Variants in EP400 observed in about 807,000 individuals in gnomAD.
The protein encoded by EP400 is E1A binding protein p400.
EP400 carries 105 observed loss-of-function variants against 354.1 expected under a neutral mutation model. That is an observed-to-expected ratio of 0.30 (90% CI 0.25 to 0.35). The LOEUF (loss-of-function observed/expected upper bound fraction) is 0.35, where lower values mean the gene tolerates loss of function less well. Among genes scored for constraint, EP400 ranks in the 10% least tolerant of loss-of-function variants. The pLI is 1.00. For synonymous variants in EP400, 1,646 were observed against 1,716.9 expected (o/e 0.96, Z 1.02); for missense variants, 3,280 against 4,121.0 (o/e 0.80, Z 5.59).
rs758583618 is a variant in EP400 at position 132,062,163 on chromosome 12, G to A, written c.7938G>A (p.Arg2646=). 5 of 1,613,874 alleles carry A rather than the reference G, an allele frequency of 3.1e-6. No individual in the cohort carries two copies. The Admixed American group carries it at 8.3e-5, about 27-fold the overall frequency. Residue 2646 remains arginine, a synonymous_variant, in exon 46 of 53, where the codon CGG becomes CGA. Transcript: ENST00000389561. ...AQVVHTQPPP[R]AVGSPATATP... ...TGGTGCACACCCAGCCCCCGCCACG[G>A]GCAGTCGGCTCCCCAGCCACGGCGA...
intron 12 of EP400, among the ~76,000 whole-genome samples, chr12:131,996,387 G>A (rs906147004): frequency 2.7e-5 from 4 of 149,666 alleles, no homozygotes; most frequent in African/African-American, 1.0e-4. Flanking sequence ...TGCCTCCTGG[G>A]TTTACGCCAT....
chr12:132,028,969 G>T (rs1894395487), intron 27 of EP400: 1 of 152,438 alleles, frequency 6.6e-6, no homozygotes, highest in South Asian at 2.1e-4. Context: ...TCAGGAAGCA[G>T]AATTAATGGA....
At chr12:132,058,596 C>T (rs1244935858) in intron 45 of EP400, among the ~76,000 whole-genome samples, 2 of 152,140 alleles carry the variant, frequency 1.3e-5, no homozygotes, top group East Asian at 3.9e-4. Context: ...GTGATCCACC[C>T]ACCTCAGCCT....
At chr12:132,051,963 C>T (rs990571221) in intron 41 of EP400, among the ~76,000 whole-genome samples, 1 of 152,210 alleles carries the variant, frequency 6.6e-6, no homozygotes, top group Non-Finnish European at 1.5e-5. Context: ...GTGGCCCTGT[C>T]CGGGCATAAC....
chr12:132,013,431 C>A lies in EP400; in HGVS notation c.3612-59C>A. ...TTCTCACACATTGTCAGAGAAGATG[C>A]TGCTGCAGCCAGCCCCGTGGCTGTA... On this transcript the variant is annotated intron_variant, in intron 17 of 52. Coordinates refer to ENST00000389561, the MANE Select transcript of EP400 (RefSeq NM_015409.5). This position sits in a 1 kb window ranked among gnomAD's most constrained non-coding sequence, Gnocchi z 4.5. 1.3e-6 allele frequency: 2 copies of A among 1,508,116 alleles called. No individual in the cohort carries two copies. The highest frequency in any genetic ancestry group is 1.8e-6 in the Non-Finnish European group (2 of 1,125,704). 93.4% of individuals were successfully genotyped at this position (1,508,116 alleles called of 1,614,324 possible).
Position 132,006,135 on chromosome 12 carries a change from A to G in EP400, c.2959A>G (p.Arg987Gly), listed in dbSNP as rs781380501. ...AGATGCAGATGACTGTCCAGGCGAC[A>G]GGGAGAGTCGCAAGGACTTGGTTCT... ...EEDADDCPGD[R>G]ESRKDLVLID... Residue 987 changes from arginine (R) to glycine (G), a missense_variant, in exon 14 of 53, where the codon AGG becomes GGG. Arg to Gly is a moderately radical substitution (Grantham distance 125). Coordinates refer to ENST00000389561, the MANE Select transcript of EP400 (RefSeq NM_015409.5). 4 of 1,614,146 alleles carry G rather than the reference A, an allele frequency of 2.5e-6. No individual in the cohort carries two copies. Among genetic ancestry groups the G allele is most frequent in the Non-Finnish European group, 3.4e-6 (4 of 1,179,970 alleles).
intron 5 of EP400, among the ~76,000 whole-genome samples, chr12:131,982,706 C>T (rs1440374634): frequency 6.6e-6 from 1 of 152,164 alleles, no homozygotes; most frequent in Non-Finnish European, 1.5e-5. Context: ...TTTGGTGACT[C>T]ACGCCTGTAA....
At chr12:132,019,819 A>G (rs948266696) in intron 21 of EP400, among the ~76,000 whole-genome samples, 12 of 152,214 alleles carry the variant, frequency 7.9e-5, no homozygotes, top group Non-Finnish European at 1.2e-4. Context: ...TGGATGTACC[A>G]TACCACTTTG....
Position 131,991,387 on chromosome 12 carries a change from T to G in EP400, c.2630-20T>G. On this transcript the variant is annotated intron_variant, in intron 9 of 52. Transcript: ENST00000389561. Reference sequence around the variant, plus strand: ...AGCATGGGGGGCCTTGGGAACGAACTGTGCTCCTTGTCTCTCTAGGGAAAG... The same window carrying G: ...AGCATGGGGGGCCTTGGGAACGAACGGTGCTCCTTGTCTCTCTAGGGAAAG... 1 of 1,613,752 alleles carries G rather than the reference T, an allele frequency of 6.2e-7. No individual in the cohort carries two copies. Among genetic ancestry groups the G allele is most frequent in the Non-Finnish European group, 8.5e-7 (1 of 1,179,766 alleles).
rs117463303 is a variant in EP400 at position 132,006,275 on chromosome 12, G to A, written c.3099G>A (p.Pro1033=). Residue 1033 remains proline (P), a synonymous_variant, in exon 14 of 53, where the codon CCG becomes CCA. Coordinates refer to ENST00000389561, the MANE Select transcript of EP400 (RefSeq NM_015409.5). Reference sequence around the variant, plus strand: ...CTGCGGTGGCTGAAGCCATCCTGCCGAAGGGCAGTGCTCGGGTCACAACCT... The same window carrying A: ...CTGCGGTGGCTGAAGCCATCCTGCCAAAGGGCAGTGCTCGGGTCACAACCT... The part of the protein sequence containing the change: ...DVTAVAEAIL[P]KGSARVTTSV... 15,244 of 1,614,202 alleles carry A rather than the reference G, an allele frequency of 9.4e-3. 449 individuals are homozygous for A. Among genetic ancestry groups the A allele is most frequent in the South Asian group, 0.082 (7,438 of 91,086 alleles).
At position 132,067,182 on chromosome 12, in the gene EP400, A is replaced by AT; in HGVS notation, c.8750-177dup. ...TTAACATTCTGAAATTTCCGTCTTAATTTAAGTGTAATTTGTGAACCCAGA... is the reference window on the plus strand; with the variant it reads ...TTAACATTCTGAAATTTCCGTCTTAATTTTAAGTGTAATTTGTGAACCCAGA... On this transcript the variant is annotated intron_variant, in intron 49 of 52. Coordinates refer to ENST00000389561, the MANE Select transcript of EP400 (RefSeq NM_015409.5). The surrounding 1 kb of genome is among the most constrained non-coding windows in gnomAD (Gnocchi z 5.3). 1 of 1,183,898 alleles carries AT rather than the reference A, an allele frequency of 8.4e-7. No homozygotes were observed. Among genetic ancestry groups the AT allele is most frequent in the Non-Finnish European group, 1.2e-6 (1 of 850,584 alleles). The allele number at this position is 1,183,898 out of a possible 1,614,324, so 73.3% of individuals were successfully genotyped here. A position where few individuals can be genotyped will look rare whatever the true frequency, so the allele number is the denominator to read the frequency against.
In EP400 at chr12:132,053,398, C is replaced by A; in HGVS notation, c.7529C>A (p.Pro2510His). ...QQPAVAQPPP[P>H]QPQPPPPPQQ... ...CCGGCCGTGGCCCAGCCACCCCCGC[C>A]CCAGCCGCAGCCCCCACCACCCCCG... The change falls in exon 43 of 53, where the codon CCC becomes CAC. Residue 2510 changes from proline (P) to histidine (H), a missense_variant. Physicochemically the swap from Pro to His is moderately conservative, Grantham distance 77. This residue lies in a region of EP400 where 255 missense variants were observed against 295.9 expected (regional missense o/e 0.86). Transcript: ENST00000389561. The A allele has an allele frequency of 6.5e-7, 1 of 1,528,532 alleles. No individual in the cohort carries two copies. The highest frequency in any genetic ancestry group is 1.2e-5 in the South Asian group (1 of 84,238). 94.7% of individuals were successfully genotyped at this position (1,528,532 alleles called of 1,614,324 possible).
chr12:131,990,740 C>T lies in EP400; in HGVS notation c.2629+26C>T, dbSNP rs755273007. On this transcript the variant is annotated intron_variant, in intron 9 of 52. Coordinates refer to ENST00000389561, the MANE Select transcript of EP400 (RefSeq NM_015409.5). The surrounding 1 kb of genome is among the most constrained non-coding windows in gnomAD (Gnocchi z 4.2). ...GTAGGACCCTTTAAAAAAAGGCTCA[C>T]CACGCTTGGGTGGTATTTTGTTCGG... 81 of 1,543,438 alleles carry T rather than the reference C, an allele frequency of 5.2e-5. 2 individuals carry two copies. In the South Asian group the frequency reaches 9.1e-4, roughly 17 times the overall value.
chr12:132,013,446 C>T lies in EP400; in HGVS notation c.3612-44C>T. ...AGAGAAGATGCTGCTGCAGCCAGCC[C>T]CGTGGCTGTAGAACTCCAGTGTTGT... On this transcript the variant is annotated intron_variant, in intron 17 of 52. Transcript: ENST00000389561. The surrounding 1 kb of genome is among the most constrained non-coding windows in gnomAD (Gnocchi z 4.5). 1.3e-6 allele frequency: 2 copies of T among 1,518,936 alleles called. No individual in the cohort carries two copies. Among genetic ancestry groups the T allele is most frequent in the Non-Finnish European group, 1.8e-6 (2 of 1,132,890 alleles). The allele number at this position is 1,518,936 out of a possible 1,614,324, so 94.1% of individuals were successfully genotyped here.
Position 131,960,940 on chromosome 12 carries a change from C to T in EP400, c.321C>T (p.Ser107=), listed in dbSNP as rs147562573. The change falls in exon 2 of 53, where the codon AGC becomes AGT. Residue 107 remains serine (S), a synonymous_variant. Transcript: ENST00000389561. Reference sequence around the variant, plus strand: ...CCACCTCTCCAGGCTTCCAGTTCAGCGCTCAGCCTCGGCGGTTTGAGCATG... The same window carrying T: ...CCACCTCTCCAGGCTTCCAGTTCAGTGCTCAGCCTCGGCGGTTTGAGCATG... ...PSPTSPGFQF[S]AQPRRFEHGS... 199 of 1,613,210 alleles carry T rather than the reference C, an allele frequency of 1.2e-4. No individual in the cohort carries two copies. Among genetic ancestry groups the T allele is most frequent in the Middle Eastern group, 3.5e-4 (2 of 5,716 alleles).
rs1158930446 is a variant in EP400, at chr12:132,020,956, G to A, written c.4448-123G>A. The A allele has an allele frequency of 3.8e-6, 5 of 1,316,814 alleles. No homozygotes were observed. The Admixed American group carries it at 1.5e-4, about 41-fold the overall frequency. The allele number at this position is 1,316,814 out of a possible 1,614,324, so 81.6% of individuals were successfully genotyped here. A position where few individuals can be genotyped will look rare whatever the true frequency, so the allele number is the denominator to read the frequency against. ...TGGCCCCTCTTTTTTTCCTTAAGAG[G>A]GGACTTCTCATTTGAGAGACGGTGT... On this transcript the variant is annotated intron_variant, in intron 22 of 52. Transcript: ENST00000389561.
Position 131,990,618 on chromosome 12 carries a change from TTAA to T in EP400, c.2551-16_2551-14del, listed in dbSNP as rs1179855063. Reference sequence around the variant, plus strand: ...CATCCTTAGTAATGTGCTTATTCATTTAATCCTTTGCATTTAGGTTGTGGAAAT... The same window carrying T: ...CATCCTTAGTAATGTGCTTATTCATTTCCTTTGCATTTAGGTTGTGGAAAT... On this transcript the variant is annotated splice_polypyrimidine_tract_variant and intron_variant, in intron 8 of 52. Coordinates refer to ENST00000389561, the MANE Select transcript of EP400 (RefSeq NM_015409.5). The surrounding 1 kb of genome is among the most constrained non-coding windows in gnomAD (Gnocchi z 4.2). 2.5e-6 allele frequency: 4 copies of T among 1,574,390 alleles called. No individual in the cohort carries two copies. The highest frequency in any genetic ancestry group is 3.5e-6 in the Non-Finnish European group (4 of 1,148,176).
Position 132,029,984 on chromosome 12 carries a change from C to A in EP400, c.5585-5C>A. 1 of 1,613,888 alleles carries A rather than the reference C, an allele frequency of 6.2e-7. No individual in the cohort carries two copies. Among genetic ancestry groups the A allele is most frequent in the Non-Finnish European group, 8.5e-7 (1 of 1,180,014 alleles). The stretch of plus-strand genomic sequence containing the variant: ...GAGGCGCTCTTGATGTGATTCGTTT[C>A]CCAGGGAAGTTGGAAGCTTTAGCTA... On this transcript the variant is annotated splice_polypyrimidine_tract_variant and splice_region_variant and intron_variant, in intron 28 of 52. Coordinates refer to ENST00000389561, the MANE Select transcript of EP400 (RefSeq NM_015409.5). This position sits in a 1 kb window ranked among gnomAD's most constrained non-coding sequence, Gnocchi z 4.7.
At chr12:132,014,481 C>T (rs903485858) in intron 19 of EP400, among the ~76,000 whole-genome samples, 1 of 152,186 alleles carries the variant, frequency 6.6e-6, no homozygotes, top group Admixed American at 6.5e-5. Flanking sequence ...CCCCTTTGAC[C>T]CTCTCCGAGG....
Sources: allele counts gnomAD v4.1 joint callset (sites outside exome capture counted in the v4.1 genomes callset), GRCh38; gene constraint gnomAD v4.1.1; regional missense constraint gnomAD v4.1.1; non-coding constraint Gnocchi (gnomAD v3.1); transcripts MANE v1.5; gene names NCBI Gene and HGNC (gene_info 2026-07-23, HGNC 2026-07-21).